The following TXNDC9 variants were observed in gnomAD, a reference collection of about 807,000 sequenced individuals.
TXNDC9 encodes thioredoxin domain-containing protein 9.
A neutral mutation model predicts 23.0 loss-of-function variants in TXNDC9; 7 were observed. The ratio of observed to expected loss-of-function variants is 0.30; its 90% CI spans 0.17 to 0.57. The LOEUF (loss-of-function observed/expected upper bound fraction) is 0.57. TXNDC9 is among the 20% of genes least tolerant of loss of function. The pLI is 0.90. For synonymous variants in TXNDC9, 72 were observed against 90.6 expected (o/e 0.79, Z 1.17); for missense variants, 198 against 252.6 (o/e 0.78, Z 1.47).
At chr2:99,312,824 T>C in the TXNDC9 span, among the ~76,000 whole-genome samples, 9 of 152,206 alleles carry the variant, frequency 5.9e-5, no homozygotes, top group Non-Finnish European at 8.8e-5. Flanking sequence ...GTATGCCTTA[T>C]TGCTTTCATA....
chr2:99,327,492 A>T, intron 3 of TXNDC9, 43 bp downstream of exon 3: 2 of 1,372,690 alleles, frequency 1.5e-6, no homozygotes, highest in Non-Finnish European at 2.1e-6. Context: ...CAAACAATTC[A>T]CTGTGTTTTT....
At chr2:99,336,194 A>C (rs2094239940) in intron 1 of TXNDC9, 45 bp downstream of exon 1, 2 of 983,526 alleles carry the variant, frequency 2.0e-6, no homozygotes, top group African/African-American at 3.5e-5. Context: ...GTTCACCAGC[A>C]CCCGGACGTG....
At chr2:99,331,554 A>ACC in intron 2 of TXNDC9, among the ~76,000 whole-genome samples, 1 of 151,860 alleles carries the variant, frequency 6.6e-6, no homozygotes, top group Non-Finnish European at 1.5e-5. Context: ...AAAGCAGCCT[A>ACC]TTTTTTAAAA....
At chr2:99,315,504 G>T (rs2094187193), downstream of TXNDC9, among the ~76,000 whole-genome samples, 1 of 152,174 alleles carries the variant, frequency 6.6e-6, no homozygotes, top group Middle Eastern at 3.4e-3. Context: ...TAATCTGTTG[G>T]TATCAATTGC....
In TXNDC9 at chr2:99,319,817, G is replaced by A. The variant is rs746000978; in HGVS notation, c.564-18C>T. On this transcript the variant is annotated intron_variant, in intron 4 of 4. Transcript: ENST00000264255. ...AATTTCCACTTAAAAAAAAAAAAAAGCATTTTATTCTTTATGATTTAGTAC... is the reference window on the plus strand; with the variant it reads ...AATTTCCACTTAAAAAAAAAAAAAAACATTTTATTCTTTATGATTTAGTAC... 4.2e-6 allele frequency: 5 copies of A among 1,182,480 alleles called. No homozygotes were observed. The highest frequency in any genetic ancestry group is 4.9e-5 in the East Asian group (2 of 41,096). 73.2% of individuals were successfully genotyped at this position (1,182,480 alleles called of 1,614,324 possible). A position where few individuals can be genotyped will look rare whatever the true frequency, so the allele number is the denominator to read the frequency against.
chr2:99,309,488 G>T, the TXNDC9 span, among the ~76,000 whole-genome samples: 1 of 152,004 alleles, frequency 6.6e-6, no homozygotes, highest in Admixed American at 6.6e-5. Flanking sequence ...CAGCCTAGGA[G>T]ACAGAGTGAG....
chr2:99,313,166 A>C, the TXNDC9 span, among the ~76,000 whole-genome samples: 1 of 152,110 alleles, frequency 6.6e-6, no homozygotes, highest in Non-Finnish European at 1.5e-5. Context: ...CTGTCTCAAA[A>C]AAACAAACAA....
the TXNDC9 span, among the ~76,000 whole-genome samples, chr2:99,308,860 C>T: frequency 1.8e-4 from 27 of 151,796 alleles, no homozygotes; most frequent in South Asian, 2.1e-4. Context: ...TACAGGTGCT[C>T]GCCACCACGC....
intron 3 of TXNDC9, 24 bp from the exon 4 acceptor site, chr2:99,322,233 A>G: frequency 6.3e-7 from 1 of 1,592,506 alleles, no homozygotes; most frequent in Non-Finnish European, 8.6e-7. Flanking sequence ...CACATAGAAA[A>G]TTATAAGCTA....
At chr2:99,324,008 G>A (rs1336560333) in intron 3 of TXNDC9, among the ~76,000 whole-genome samples, 1 of 151,980 alleles carries the variant, frequency 6.6e-6, no homozygotes, top group African/African-American at 2.4e-5. Context: ...ACCACGCCCG[G>A]CTAATTTTTG....
At chr2:99,336,053 G>A (rs1458104592) in intron 1 of TXNDC9, among the ~76,000 whole-genome samples, 186 bp downstream of exon 1, 1 of 152,236 alleles carries the variant, frequency 6.6e-6, no homozygotes, top group African/African-American at 2.4e-5. Context: ...CGGGGAAACA[G>A]AGGAAAGCAC....
At chr2:99,324,539 G>C (rs1331358654) in intron 3 of TXNDC9, among the ~76,000 whole-genome samples, 1 of 152,044 alleles carries the variant, frequency 6.6e-6, no homozygotes, top group Admixed American at 6.6e-5. Context: ...CTGAAAATTT[G>C]TAAATAAATC....
intron 4 of TXNDC9, 87 bp from the exon 5 acceptor site, chr2:99,319,886 G>T: frequency 2.5e-6 from 2 of 801,776 alleles, no homozygotes; most frequent in Non-Finnish European, 3.9e-6. Flanking sequence ...TTTTCTTCCT[G>T]TAACATAGAA....
At chr2:99,310,609 C>G in the TXNDC9 span, among the ~76,000 whole-genome samples, 2 of 152,190 alleles carry the variant, frequency 1.3e-5, no homozygotes, top group South Asian at 2.1e-4. Context: ...GGTTCCTCAT[C>G]ATCTGACCTT....
At chr2:99,315,355 G>A (rs1183127185), downstream of TXNDC9, among the ~76,000 whole-genome samples, 5 of 151,858 alleles carry the variant, frequency 3.3e-5, no homozygotes, top group African/African-American at 9.7e-5. Flanking sequence ...ATGAGCCACC[G>A]CGCCCGGCCC....
Position 99,322,621 on chromosome 2 carries a change from A to G in TXNDC9, c.309-412T>C, listed in dbSNP as rs116680757. On this transcript the variant is annotated intron_variant, in intron 3 of 4. Transcript: ENST00000264255. Reference sequence around the variant, plus strand: ...AAGTCATGAAGAAAAACTGAACAGCATTACCGAGGAAAAACTTCTTACTCC... The same window carrying G: ...AAGTCATGAAGAAAAACTGAACAGCGTTACCGAGGAAAAACTTCTTACTCC... 8.2e-4 allele frequency: 1,262 copies of G among 1,545,916 alleles called. 1 individual carries two copies. Among genetic ancestry groups the G allele is most frequent in the Middle Eastern group, 6.2e-3 (37 of 5,968 alleles).
At chr2:99,311,262 T>C in the TXNDC9 span, among the ~76,000 whole-genome samples, 2 of 152,058 alleles carry the variant, frequency 1.3e-5, no homozygotes, top group South Asian at 4.1e-4. Flanking sequence ...GGAGATGGGG[T>C]CTTCCTATGT....
downstream of TXNDC9, among the ~76,000 whole-genome samples, chr2:99,316,766 A>G (rs1052868963): frequency 4.6e-5 from 7 of 151,210 alleles, no homozygotes; most frequent in East Asian, 2.0e-4. Context: ...TTTATTTTAT[A>G]TATTTTTTGA....
intron 1 of TXNDC9, among the ~76,000 whole-genome samples, chr2:99,335,446 G>A (rs972826932): frequency 6.6e-6 from 1 of 152,166 alleles, no homozygotes; most frequent in African/African-American, 2.4e-5. Flanking sequence ...CCTGACTTCT[G>A]TTCAAATTAC....
Sources: allele counts gnomAD v4.1 joint callset (sites outside exome capture counted in the v4.1 genomes callset), GRCh38; gene constraint gnomAD v4.1.1; transcripts MANE v1.5; gene names NCBI Gene and HGNC (gene_info 2026-07-23, HGNC 2026-07-21).